NCKAP5: variants seen among roughly 807,000 people sequenced by gnomAD.
NCKAP5 encodes the protein NCK associated protein 5.
Under a neutral mutation model 167.0 loss-of-function variants are expected in NCKAP5, and 92 were observed. That is an observed-to-expected ratio of 0.55 (90% CI 0.47 to 0.66). The LOEUF (loss-of-function observed/expected upper bound fraction) is 0.66. NCKAP5 is among the 30% of genes least tolerant of loss of function. The pLI, the probability that NCKAP5 is intolerant of heterozygous loss-of-function variation, is 0.00. For missense variants in NCKAP5, 2,378 were observed against 2,315.0 expected, an observed-to-expected ratio of 1.03 and a Z score of -0.56; for synonymous variants, 891 against 877.4, an observed-to-expected ratio of 1.02 and a Z score of -0.27.
intron 19 of NCKAP5, among the ~76,000 whole-genome samples, chr2:132,718,641 G>T (rs1689608733): frequency 6.6e-6 from 1 of 152,210 alleles, no homozygotes; most frequent in South Asian, 2.1e-4. Context: ...CCTCAAAGAA[G>T]AAGAAAGGTC....
chr2:132,750,301 G>A (rs1198745553), intron 16 of NCKAP5, among the ~76,000 whole-genome samples: 1 of 152,068 alleles, frequency 6.6e-6, no homozygotes, highest in Non-Finnish European at 1.5e-5. Flanking sequence ...TTGACATAAG[G>A]CCAATATATA....
the NCKAP5 span, among the ~76,000 whole-genome samples, chr2:133,596,998 C>T: frequency 6.6e-6 from 1 of 152,196 alleles, no homozygotes; most frequent in Admixed American, 6.5e-5. Context: ...CTGACAAATT[C>T]CATGGACTAA....
chr2:133,128,176 C>T lies in NCKAP5; in HGVS notation c.341+1802G>A, dbSNP rs185612925. On this transcript the variant is annotated intron_variant, in intron 6 of 19. Coordinates refer to ENST00000409261, the MANE Select transcript of NCKAP5 (RefSeq NM_207363.3). The stretch of plus-strand genomic sequence containing the variant: ...ATGACAAAGCTATATTATTTATCAC[C>T]GGTCACAGTGTTCTCCAAATCCTGG... 9.2e-5 allele frequency among the ~76,000 whole-genome samples: 14 copies of T among 152,260 alleles called. No homozygotes were observed. In the East Asian group the frequency reaches 1.9e-3, roughly 21 times the overall value.
At chr2:133,298,329 A>G (rs991456761) in intron 4 of NCKAP5, among the ~76,000 whole-genome samples, 2 of 152,052 alleles carry the variant, frequency 1.3e-5, no homozygotes, top group African/African-American at 4.8e-5. Flanking sequence ...ATTACCTTCT[A>G]TTGTTATTTA....
the NCKAP5 span, among the ~76,000 whole-genome samples, chr2:133,647,726 A>AAGGAAGGAAGGAAGGC: frequency 7.1e-6 from 1 of 141,018 alleles, no homozygotes; most frequent in Non-Finnish European, 1.6e-5. Flanking sequence ...GGAAGGAAGG[A>AAGGAAGGAAGGAAGGC]AGGAAGGAAG....
Position 133,448,691 on chromosome 2 carries a change from G to A in NCKAP5, c.69+68767C>T, listed in dbSNP as rs1167931478. The stretch of plus-strand genomic sequence containing the variant: ...AGGGTCTCACTGTTGCCCAGGCCAA[G>A]TGCAGTGGCATGATCACAGCTTACT... On this transcript the variant is annotated intron_variant, in intron 3 of 19. Coordinates refer to ENST00000409261, the MANE Select transcript of NCKAP5 (RefSeq NM_207363.3). Among the ~76,000 whole-genome samples, 30 of 152,090 alleles carry A rather than the reference G, an allele frequency of 2.0e-4. 1 individual carries two copies. Among genetic ancestry groups the A allele is most frequent in the Admixed American group, 1.9e-3 (29 of 15,270 alleles).
chr2:133,411,254 C>G (rs1395084135), intron 3 of NCKAP5, among the ~76,000 whole-genome samples: 1 of 152,202 alleles, frequency 6.6e-6, no homozygotes, highest in Non-Finnish European at 1.5e-5. Context: ...TTGCCATGTC[C>G]TCTTCTGCAG....
the NCKAP5 span, among the ~76,000 whole-genome samples, chr2:133,644,495 A>G: frequency 1.6e-4 from 25 of 152,214 alleles, no homozygotes; most frequent in Admixed American, 1.6e-3. Context: ...TTGTCCAGAC[A>G]GTTCACCCAC....
At chr2:132,694,187 A>G (rs999382673) in intron 19 of NCKAP5, among the ~76,000 whole-genome samples, 6 of 151,982 alleles carry the variant, frequency 3.9e-5, no homozygotes, top group African/African-American at 1.4e-4. Flanking sequence ...GCTTGAAGAT[A>G]GAAATTTTTG....
At chr2:132,900,705 C>G (rs557353844) in intron 8 of NCKAP5, among the ~76,000 whole-genome samples, 1 of 152,176 alleles carries the variant, frequency 6.6e-6, no homozygotes, top group South Asian at 2.1e-4. Flanking sequence ...AATAATGACT[C>G]TTACCCAGTG....
At chr2:132,822,517 T>C (rs757431616) in intron 11 of NCKAP5, among the ~76,000 whole-genome samples, 2 of 152,132 alleles carry the variant, frequency 1.3e-5, no homozygotes, top group Non-Finnish European at 2.9e-5. Flanking sequence ...GGAGAGCACA[T>C]CAAGGGAGCA....
chr2:133,147,145 T>A (rs1574180563), intron 5 of NCKAP5, among the ~76,000 whole-genome samples: 1 of 152,148 alleles, frequency 6.6e-6, no homozygotes, highest in Non-Finnish European at 1.5e-5. Context: ...ACTATTCTGG[T>A]TGTAGTTGTA....
chr2:133,152,242 C>A (rs947542198), intron 5 of NCKAP5, among the ~76,000 whole-genome samples: 1 of 152,130 alleles, frequency 6.6e-6, no homozygotes, highest in African/African-American at 2.4e-5. Context: ...CAGACAATCT[C>A]GACAAAGTTA....
intron 4 of NCKAP5, among the ~76,000 whole-genome samples, chr2:133,259,766 A>G (rs2088812069): frequency 6.6e-6 from 1 of 152,364 alleles, no homozygotes; most frequent in African/African-American, 2.4e-5. Context: ...GGAAGAGAAG[A>G]AAAAGAGGGA....
the NCKAP5 span, among the ~76,000 whole-genome samples, chr2:133,577,827 C>G: frequency 2.6e-5 from 4 of 152,172 alleles, no homozygotes; most frequent in Admixed American, 2.6e-4. Context: ...TGCTCCCTGT[C>G]CTCTTAACCA....
At chr2:133,155,953 C>T (rs538730847) in intron 5 of NCKAP5, among the ~76,000 whole-genome samples, 4 of 152,206 alleles carry the variant, frequency 2.6e-5, no homozygotes, top group Admixed American at 6.5e-5. Flanking sequence ...TGAACTCTGA[C>T]TAATATAAAG....
intron 11 of NCKAP5, among the ~76,000 whole-genome samples, chr2:132,800,964 G>A (rs1684985773): frequency 6.6e-6 from 1 of 152,178 alleles, no homozygotes; most frequent in African/African-American, 2.4e-5. Flanking sequence ...TGGGGGCACG[G>A]CTGGCCTGCA....
intron 6 of NCKAP5, among the ~76,000 whole-genome samples, chr2:133,125,334 T>C (rs2082369664): frequency 6.6e-6 from 1 of 151,846 alleles, no homozygotes; most frequent in African/African-American, 2.4e-5. Flanking sequence ...ACACAAACAC[T>C]TCATTACCTC....
intron 5 of NCKAP5, among the ~76,000 whole-genome samples, chr2:133,205,384 G>T (rs925087987): frequency 1.3e-5 from 2 of 152,062 alleles, no homozygotes; most frequent in African/African-American, 4.8e-5. Flanking sequence ...TTTTAAAATT[G>T]TCCATTTTAT....
Sources: allele counts gnomAD v4.1 joint callset (sites outside exome capture counted in the v4.1 genomes callset), GRCh38; gene constraint gnomAD v4.1.1; transcripts MANE v1.5; gene names NCBI Gene and HGNC (gene_info 2026-07-23, HGNC 2026-07-21).